Variants in SPDYE5 observed in about 807,000 individuals in gnomAD.
SPDYE5 encodes the protein speedy/RINGO cell cycle regulator family member E5, also known as speedy protein E5.
In SPDYE5, 15 loss-of-function variants were observed where a neutral mutation model predicts 48.5. The ratio of observed to expected loss-of-function variants is 0.31; its 90% CI spans 0.21 to 0.48. SPDYE5 has a LOEUF of 0.48. Ranked by LOEUF, SPDYE5 falls within the 20% of genes least tolerant of loss-of-function variation. The pLI, the probability that SPDYE5 is intolerant of heterozygous loss-of-function variation, is 0.99. For missense variants in SPDYE5, 331 were observed against 549.1 expected, an observed-to-expected ratio of 0.60 and a Z score of 3.97; for synonymous variants, 116 against 200.7, an observed-to-expected ratio of 0.58 and a Z score of 3.57.
At position 75,501,991 on chromosome 7, in the gene SPDYE5, G is replaced by C; in HGVS notation, c.*45+9G>C. On this transcript the variant is annotated intron_variant, in intron 8 of 8. Coordinates refer to ENST00000625065, the MANE Select transcript of SPDYE5 (RefSeq NM_001306141.4). The stretch of plus-strand genomic sequence containing the variant: ...CATCGGCCTGAGAGAAGGTACATCT[G>C]CATCCTCCGGGGTAAAGGCAGAATA... 3 of 1,509,592 alleles carry C rather than the reference G, an allele frequency of 2.0e-6. No individual in the cohort carries two copies. The highest frequency in any genetic ancestry group is 2.7e-6 in the Non-Finnish European group (3 of 1,110,206). 93.5% of individuals were successfully genotyped at this position (1,509,592 alleles called of 1,614,324 possible). A position where few individuals can be genotyped will look rare whatever the true frequency, so the allele number is the denominator to read the frequency against.
chr7:75,502,648 C>CAGG (rs1554483764), intron 8 of SPDYE5, among the ~76,000 whole-genome samples, 185 bp from the exon 9 acceptor site: 3 of 148,260 alleles, frequency 2.0e-5, no homozygotes, highest in African/African-American at 7.8e-5. Context: ...GTTTTGGAGT[C>CAGG]GTCACCAAAG....
chr7:75,494,333 G>C, intron 2 of SPDYE5, 126 bp downstream of exon 2: 1 of 1,349,400 alleles, frequency 7.4e-7, no homozygotes, highest in South Asian at 1.5e-5. Context: ...ATCACCTGAG[G>C]TCAGGAGTTC....
upstream of SPDYE5, among the ~76,000 whole-genome samples, chr7:75,492,176 T>C (rs1186099786): frequency 1.3e-5 from 2 of 151,928 alleles, no homozygotes; most frequent in Non-Finnish European, 2.9e-5. Flanking sequence ...TTTAATGGGG[T>C]CAGAACATTG....
Position 75,503,397 on chromosome 7 carries a change from G to A in SPDYE5, c.*610G>A, listed in dbSNP as rs1793219049. The A allele has an allele frequency of 6.0e-6, 1 of 165,566 alleles. No individual in the cohort carries two copies. Among genetic ancestry groups the A allele is most frequent in the Non-Finnish European group, 1.3e-5 (1 of 76,754 alleles). The allele number at this position is 165,566 out of a possible 1,614,324, so 10.3% of individuals were successfully genotyped here. A position where few individuals can be genotyped will look rare whatever the true frequency, so the allele number is the denominator to read the frequency against. On this transcript the variant is annotated 3_prime_UTR_variant, in exon 9 of 9. Coordinates refer to ENST00000625065, the MANE Select transcript of SPDYE5 (RefSeq NM_001306141.4). ...TGCTGTTCCTGTAGTTTTTTGATGA[G>A]AGTTATAGTTGTTATATATACATAA...
chr7:75,491,694 G>C (rs2923714), upstream of SPDYE5, among the ~76,000 whole-genome samples: 1 of 132,142 alleles, frequency 7.6e-6, no homozygotes, highest in Non-Finnish European at 1.6e-5. Context: ...AACCTGGGCT[G>C]TTTAGCCATT....
rs587644060 is a variant in SPDYE5 at position 75,492,384 on chromosome 7, G to T, written c.-479G>T. On this transcript the variant is annotated 5_prime_UTR_variant, in exon 1 of 9. The change creates a premature stop within an existing upstream ORF in the 5' untranslated region. Coordinates refer to ENST00000625065, the MANE Select transcript of SPDYE5 (RefSeq NM_001306141.4). ...TTCAGTGTGTGCCTTTTCTATGAGC[G>T]AGAGACTCCTAGGAAAGCAGCAGCC... 6.6e-6 allele frequency among the ~76,000 whole-genome samples: 1 copy of T among 151,974 alleles called. No homozygotes were observed. The highest frequency in any genetic ancestry group is 1.5e-5 in the Non-Finnish European group (1 of 67,974).
upstream of SPDYE5, among the ~76,000 whole-genome samples, chr7:75,491,876 C>G (rs1792748867): frequency 6.6e-6 from 1 of 151,754 alleles, no homozygotes; most frequent in African/African-American, 2.4e-5. Context: ...CCACGCCCAG[C>G]TCATTTTTTC....
At position 75,495,346 on chromosome 7, in the gene SPDYE5, G is replaced by A. The variant is rs183374141; in HGVS notation, c.351G>A (p.Glu117=). 4,843 of 1,597,616 alleles carry A rather than the reference G, an allele frequency of 3.0e-3. 17 individuals are homozygous for A. The highest frequency in any genetic ancestry group is 3.2e-3 in the Non-Finnish European group (3,752 of 1,179,920). Residue 117 remains glutamate (E), a synonymous_variant, in exon 3 of 9, where the codon GAG becomes GAA. Coordinates refer to ENST00000625065, the MANE Select transcript of SPDYE5 (RefSeq NM_001306141.4). ...KQQRVSPILP[E]HHKGFNSQLA... is the part of the protein sequence containing the mutation. ...AGCGAGTGTCACCCATCCTCCCTGA[G>A]CACCACAAGGGCTTCAACAGTCAGC...
At chr7:75,502,648 C>G (rs587641410) in intron 8 of SPDYE5, among the ~76,000 whole-genome samples, 185 bp from the exon 9 acceptor site, 7,047 of 146,634 alleles carry the variant, frequency 0.048, 649 homozygotes, top group African/African-American at 0.18. Flanking sequence ...GTTTTGGAGT[C>G]GTCACCAAAG....
In SPDYE5 at chr7:75,492,411, A is replaced by G. The variant is rs1792768676; in HGVS notation, c.-452A>G. Among the ~76,000 whole-genome samples the G allele has an allele frequency of 6.6e-6, 1 of 152,098 alleles. No individual in the cohort carries two copies. The highest frequency in any genetic ancestry group is 1.5e-5 in the Non-Finnish European group (1 of 68,018). Reference sequence around the variant, plus strand: ...GAGACTCCTAGGAAAGCAGCAGCCCATTAGGAAAACGTGTGGGAACTCACT... The same window carrying G: ...GAGACTCCTAGGAAAGCAGCAGCCCGTTAGGAAAACGTGTGGGAACTCACT... On this transcript the variant is annotated 5_prime_UTR_variant, in exon 1 of 9. Transcript: ENST00000625065.
rs1280174535 is a variant in SPDYE5, at chr7:75,492,458, G to C, written c.-422+17G>C. 6.6e-6 allele frequency among the ~76,000 whole-genome samples: 1 copy of C among 152,062 alleles called. No individual in the cohort carries two copies. Among genetic ancestry groups the C allele is most frequent in the Non-Finnish European group, 1.5e-5 (1 of 68,004 alleles). On this transcript the variant is annotated intron_variant, in intron 1 of 8. Transcript: ENST00000625065. Reference sequence around the variant, plus strand: ...CACTCGCAGGTTCTTTATTTTTTTTGAGATGGAGTTTTGCTCGTTGCCCAG... The same window carrying C: ...CACTCGCAGGTTCTTTATTTTTTTTCAGATGGAGTTTTGCTCGTTGCCCAG...
Position 75,493,616 on chromosome 7 carries a change from T to C in SPDYE5, c.-421-11T>C. The C allele has an allele frequency of 7.9e-7, 1 of 1,268,490 alleles. No individual in the cohort carries two copies. The highest frequency in any genetic ancestry group is 9.9e-7 in the Non-Finnish European group (1 of 1,010,042). The allele number at this position is 1,268,490 out of a possible 1,614,324, so 78.6% of individuals were successfully genotyped here. A position where few individuals can be genotyped will look rare whatever the true frequency, so the allele number is the denominator to read the frequency against. On this transcript the variant is annotated splice_polypyrimidine_tract_variant and intron_variant, in intron 1 of 8. Transcript: ENST00000625065. ...TAGTTTTCTTTCCCACTCTGTTCCC[T>C]CTCCCACCAGACTGGACTCTGAAAT... is the stretch of plus-strand genomic sequence containing the variant.
chr7:75,496,127 C>T (rs1233025739), intron 3 of SPDYE5, among the ~76,000 whole-genome samples: 1 of 150,742 alleles, frequency 6.6e-6, no homozygotes, highest in Admixed American at 6.6e-5. Flanking sequence ...CTGGCTCACA[C>T]CTGTAATCCC....
rs1389323013 is a variant in SPDYE5, at chr7:75,503,004, G to T, written c.*217G>T. On this transcript the variant is annotated 3_prime_UTR_variant, in exon 9 of 9. Coordinates refer to ENST00000625065, the MANE Select transcript of SPDYE5 (RefSeq NM_001306141.4). ...ACGTTGTCCTCCTAGGAGCAGGGGT[G>T]GGGGGAGGGGGGTGGGGTCCTTCTA... is the stretch of plus-strand genomic sequence containing the variant. The T allele has an allele frequency of 3.5e-5, 15 of 426,376 alleles. No homozygotes were observed. The highest frequency in any genetic ancestry group is 7.3e-5 in the East Asian group (1 of 13,706). 26.4% of individuals were successfully genotyped at this position (426,376 alleles called of 1,614,324 possible). A position where few individuals can be genotyped will look rare whatever the true frequency, so the allele number is the denominator to read the frequency against.
At chr7:75,496,959 AC>A in intron 4 of SPDYE5, 55 bp downstream of exon 4, 1 of 1,078,172 alleles carries the variant, frequency 9.3e-7, no homozygotes. Flanking sequence ...AAAACAGGAA[AC>A]TTCCAATAAC....
intron 3 of SPDYE5, 91 bp downstream of exon 3, chr7:75,495,465 C>T (rs1248928945): frequency 3.8e-5 from 60 of 1,562,178 alleles, no homozygotes; most frequent in Middle Eastern, 2.3e-4. Flanking sequence ...GGGAAAGATA[C>T]GCCCCCCGTG....
At position 75,493,944 on chromosome 7, in the gene SPDYE5, G is replaced by A. The variant is rs1792828492; in HGVS notation, c.-104G>A. The A allele has an allele frequency of 1.1e-5, 17 of 1,499,694 alleles. No individual in the cohort carries two copies. The highest frequency in any genetic ancestry group is 2.4e-4 in the Middle Eastern group (1 of 4,180). 92.9% of individuals were successfully genotyped at this position (1,499,694 alleles called of 1,614,324 possible). ...ACTCCGTGGTGCCTGGAGATCAGTTGGACAACAGTATCTTCTCAGAGCTGT... is the reference window on the plus strand; with the variant it reads ...ACTCCGTGGTGCCTGGAGATCAGTTAGACAACAGTATCTTCTCAGAGCTGT... On this transcript the variant is annotated 5_prime_UTR_variant, in exon 2 of 9. The change creates a premature stop within an existing upstream ORF in the 5' untranslated region. Transcript: ENST00000625065.
chr7:75,495,409 G>A (rs782085802), intron 3 of SPDYE5, 35 bp downstream of exon 3: 19 of 1,595,936 alleles, frequency 1.2e-5, no homozygotes, highest in Admixed American at 5.0e-5. Context: ...CTCCAATCCT[G>A]TTCTTTCTAA....
chr7:75,494,009 C>T lies in SPDYE5; in HGVS notation c.-39C>T, dbSNP rs1792830106. ...TTCTCCTAGGCTTGAGAATTGATAA[C>T]ATACTCTTCTGGATCCTAGCAGTGA... On this transcript the variant is annotated 5_prime_UTR_variant, in exon 2 of 9. Coordinates refer to ENST00000625065, the MANE Select transcript of SPDYE5 (RefSeq NM_001306141.4). The T allele has an allele frequency of 3.4e-6, 5 of 1,470,302 alleles. No homozygotes were observed. Among genetic ancestry groups the T allele is most frequent in the Admixed American group, 4.3e-5 (2 of 46,172 alleles). The allele number at this position is 1,470,302 out of a possible 1,614,324, so 91.1% of individuals were successfully genotyped here.
Sources: gnomAD v4.1 joint callset for allele counts (sites outside exome capture counted in the v4.1 genomes callset) on GRCh38, gnomAD v4.1.1 for gene constraint, MANE v1.5 for transcripts, NCBI Gene and HGNC (gene_info 2026-07-23, HGNC 2026-07-21) for gene names.